Variants in PLCZ1 observed in about 807,000 individuals in gnomAD.
The protein encoded by PLCZ1 is 1-phosphatidylinositol 4,5-bisphosphate phosphodiesterase zeta-1.
PLCZ1 carries 64 observed loss-of-function variants against 76.8 expected under a neutral mutation model. That is an observed-to-expected ratio of 0.83 (90% CI 0.68 to 1.03). The LOEUF (loss-of-function observed/expected upper bound fraction) is 1.03. Ranked by LOEUF, PLCZ1 falls within the 50% of genes least tolerant of loss-of-function variation. PLCZ1 has a pLI of 0.00. For missense variants in PLCZ1, 751 were observed against 713.7 expected (o/e 1.05, Z -0.60); for synonymous variants, 248 against 230.8 (o/e 1.07, Z -0.68).
the PLCZ1 span, among the ~76,000 whole-genome samples, chr12:18,656,456 C>T: frequency 6.6e-6 from 1 of 152,096 alleles, no homozygotes; most frequent in Admixed American, 6.5e-5. Flanking sequence ...ATCCCAGCTA[C>T]TTGGAAGGCT....
chr12:18,712,556 G>A (rs1392573078), intron 6 of PLCZ1, among the ~76,000 whole-genome samples: 1 of 151,918 alleles, frequency 6.6e-6, no homozygotes, highest in African/African-American at 2.4e-5. Context: ...AAACTTTCCT[G>A]GCCATCATCC....
Position 18,699,794 on chromosome 12 carries a change from C to G in PLCZ1, c.1174G>C (p.Val392Leu). The change falls in exon 10 of 15, where the codon GTC becomes CTC. Residue 392 changes from valine (V) to leucine (L), a missense_variant and splice_region_variant. Coordinates refer to ENST00000266505, the MANE Select transcript of PLCZ1 (RefSeq NM_033123.4). ...TQARKLSKLRVHEFIFHTRKF... is the reference protein window; with the variant it reads ...TQARKLSKLRLHEFIFHTRKF... ...ATCTATTTGAGTCACAAAAATTTAC[C>G]TCGCAATTTTGAAAGTTTTCGGGCT... 1.2e-6 allele frequency: 2 copies of G among 1,612,804 alleles called. No individual in the cohort carries two copies. The highest frequency in any genetic ancestry group is 1.7e-6 in the Non-Finnish European group (2 of 1,179,224).
intron 3 of PLCZ1, among the ~76,000 whole-genome samples, chr12:18,730,393 G>A (rs767819839): frequency 3.3e-5 from 5 of 151,972 alleles, no homozygotes; most frequent in South Asian, 2.1e-4. Context: ...TTAGCCTAAG[G>A]TGACAAAGTT....
the PLCZ1 span, among the ~76,000 whole-genome samples, chr12:18,663,200 A>G: frequency 1.3e-5 from 2 of 152,094 alleles, no homozygotes; most frequent in African/African-American, 4.8e-5. Context: ...CTTTTATTCA[A>G]CATAGTACTG....
chr12:18,726,375 A>G (rs2150737736), intron 3 of PLCZ1, among the ~76,000 whole-genome samples: 1 of 152,320 alleles, frequency 6.6e-6, no homozygotes. Context: ...CATTACAAAA[A>G]GCACTTTCCC....
intron 3 of PLCZ1, 65 bp downstream of exon 3, chr12:18,736,156 C>A: frequency 6.4e-7 from 1 of 1,553,862 alleles, no homozygotes; most frequent in Non-Finnish European, 8.8e-7. Context: ...CTTTATATGA[C>A]AATTACTGAC....
chr12:18,699,514 A>C (rs1031863357), intron 10 of PLCZ1, among the ~76,000 whole-genome samples: 1 of 152,018 alleles, frequency 6.6e-6, no homozygotes, highest in African/African-American at 2.4e-5. Flanking sequence ...CTGCTCTCCT[A>C]TACAAGCTGC....
chr12:18,736,810 C>T, intron 2 of PLCZ1: 1 of 581,216 alleles, frequency 1.7e-6, no homozygotes, highest in Non-Finnish European at 2.9e-6. Context: ...GTTTCTGCTA[C>T]TTAGTGTTCA....
intron 14 of PLCZ1, chr12:18,683,776 C>T (rs117139065): frequency 0.028 from 15,201 of 546,082 alleles, 315 homozygotes; most frequent in Non-Finnish European, 0.039. Flanking sequence ...CTCTTCTCCT[C>T]AGGCAGGAAG....
intron 3 of PLCZ1, among the ~76,000 whole-genome samples, chr12:18,727,195 AC>A (rs984293975): frequency 5.9e-5 from 9 of 151,752 alleles, no homozygotes; most frequent in Non-Finnish European, 1.3e-4. Context: ...AAAAAAAAAA[AC>A]AATTTGCCAA....
At chr12:18,721,728 A>G (rs960811801) in intron 4 of PLCZ1, among the ~76,000 whole-genome samples, 6 of 151,906 alleles carry the variant, frequency 3.9e-5, no homozygotes, top group African/African-American at 1.5e-4. Context: ...AAAAAAAAAA[A>G]AAAGTCATCT....
chr12:18,698,786 A>G (rs1161492746), intron 10 of PLCZ1, among the ~76,000 whole-genome samples: 2 of 152,184 alleles, frequency 1.3e-5, no homozygotes, highest in Admixed American at 6.6e-5. Context: ...AAACAATCCA[A>G]TTATACTCTT....
the PLCZ1 span, among the ~76,000 whole-genome samples, chr12:18,658,898 T>C: frequency 6.6e-6 from 1 of 152,166 alleles, no homozygotes; most frequent in Non-Finnish European, 1.5e-5. Context: ...CCTGTAAAAA[T>C]GAGATTTTTG....
chr12:18,648,983 T>C, the PLCZ1 span, among the ~76,000 whole-genome samples: 15 of 152,156 alleles, frequency 9.9e-5, no homozygotes, highest in African/African-American at 3.6e-4. Flanking sequence ...ACCTCCTCTA[T>C]ATCATATGAG....
intron 6 of PLCZ1, among the ~76,000 whole-genome samples, chr12:18,707,051 C>A (rs1190852482): frequency 2.6e-5 from 4 of 152,194 alleles, no homozygotes; most frequent in Non-Finnish European, 5.9e-5. Flanking sequence ...ACTGCCTCCT[C>A]CTCTGGTGTA....
chr12:18,704,964 T>C (rs1956419270), intron 7 of PLCZ1, among the ~76,000 whole-genome samples: 1 of 152,106 alleles, frequency 6.6e-6, no homozygotes, highest in Non-Finnish European at 1.5e-5. Context: ...TGTATGTATA[T>C]ATATATAAAT....
the PLCZ1 span, among the ~76,000 whole-genome samples, chr12:18,659,386 A>G: frequency 7.4e-3 from 1,134 of 152,252 alleles, 13 homozygotes; most frequent in African/African-American, 0.026. Flanking sequence ...TTTGTTCCCT[A>G]AATCACTTGG....
At chr12:18,666,395 A>G in the PLCZ1 span, among the ~76,000 whole-genome samples, 2 of 152,130 alleles carry the variant, frequency 1.3e-5, no homozygotes, top group East Asian at 3.9e-4. Context: ...GGAAAAATAC[A>G]TTTATGCAAA....
chr12:18,651,293 T>C, the PLCZ1 span, among the ~76,000 whole-genome samples: 1 of 152,072 alleles, frequency 6.6e-6, no homozygotes, highest in Non-Finnish European at 1.5e-5. Context: ...CTCAGATGTC[T>C]CCGTCTCTGC....
Sources: allele counts gnomAD v4.1 joint callset (sites outside exome capture counted in the v4.1 genomes callset), GRCh38; gene constraint gnomAD v4.1.1; transcripts MANE v1.5; gene names NCBI Gene and HGNC (gene_info 2026-07-23, HGNC 2026-07-21).